The following UGT1A5 variants were observed in gnomAD, a reference collection of about 807,000 sequenced individuals.
UGT1A5 encodes the protein UDP-glucuronosyltransferase 1A5.
Under a neutral mutation model 40.3 loss-of-function variants are expected in UGT1A5, and 29 were observed. That is an observed-to-expected ratio of 0.72 (90% confidence interval 0.54 to 0.98). The LOEUF (loss-of-function observed/expected upper bound fraction) is 0.98, where lower values mean the gene tolerates loss of function less well. Among genes scored for constraint, UGT1A5 ranks in the 50% least tolerant of loss-of-function variants. The pLI is 0.00. For synonymous variants in UGT1A5, 257 were observed against 262.5 expected, an observed-to-expected ratio of 0.98 and a Z score of 0.20; for missense variants, 678 against 677.9, an observed-to-expected ratio of 1.00 and a Z score of 0.00.
chr2:233,769,998 C>A lies in UGT1A5; in HGVS notation c.1307+1559C>A. The stretch of plus-strand genomic sequence containing the variant: ...AGGATGTCCTGCTCACATATCAATA[C>A]CATTAAAACCTGACTTCTTTCCCTG... On this transcript the variant is annotated intron_variant, in intron 4 of 4. Coordinates refer to ENST00000373414, the MANE Select transcript of UGT1A5 (RefSeq NM_019078.2). The surrounding 1 kb of genome is among the most constrained non-coding windows in gnomAD (Gnocchi z 4.4). 5.7e-6 allele frequency: 1 copy of A among 174,584 alleles called. No homozygotes were observed. The highest frequency in any genetic ancestry group is 1.2e-5 in the Non-Finnish European group (1 of 82,536). The allele number at this position is 174,584 out of a possible 1,614,324, so 10.8% of individuals were successfully genotyped here. A position where few individuals can be genotyped will look rare whatever the true frequency, so the allele number is the denominator to read the frequency against.
Position 233,773,095 on chromosome 2 carries a change from A to C in UGT1A5, c.*536A>C. On this transcript the variant is annotated 3_prime_UTR_variant, in exon 5 of 5. Coordinates refer to ENST00000373414, the MANE Select transcript of UGT1A5 (RefSeq NM_019078.2). ...ATGAATGGCTTGGAGTGCACTGAGA[A>C]CAGCATATGATTTCTTGCTTTGGGG... 6.3e-6 allele frequency: 1 copy of C among 159,994 alleles called. No individual in the cohort carries two copies. Among genetic ancestry groups the C allele is most frequent in the Non-Finnish European group, 1.4e-5 (1 of 71,916 alleles). The allele number at this position is 159,994 out of a possible 1,614,324, so 9.9% of individuals were successfully genotyped here. A position where few individuals can be genotyped will look rare whatever the true frequency, so the allele number is the denominator to read the frequency against.
At chr2:233,757,551 T>C (rs9711503) in intron 1 of UGT1A5, among the ~76,000 whole-genome samples, 892 of 76,060 alleles carry the variant, frequency 0.012, 7 homozygotes, top group South Asian at 0.018. Flanking sequence ...TATATATATA[T>C]ATATATATAT....
chr2:233,771,170 G>A (rs1309098130), intron 4 of UGT1A5: 1 of 152,100 alleles, frequency 6.6e-6, no homozygotes, highest in African/African-American at 2.4e-5. Flanking sequence ...CCAGCACTGG[G>A]GATTACAATT....
At chr2:233,713,889 T>A (rs769338020) in intron 1 of UGT1A5, 31 bp downstream of exon 1, 2 of 1,613,388 alleles carry the variant, frequency 1.2e-6, no homozygotes, top group South Asian at 2.2e-5. Context: ...CCAATCAATG[T>A]TCCAGGCAAA....
chr2:233,717,158 G>T (rs75491591), intron 1 of UGT1A5, among the ~76,000 whole-genome samples: 2,054 of 152,298 alleles, frequency 0.013, 54 homozygotes, highest in African/African-American at 0.047. Context: ...GAACATGGGA[G>T]CCCCTTGAAT....
chr2:233,747,052 G>A (rs1432721744), intron 1 of UGT1A5, among the ~76,000 whole-genome samples: 1 of 151,950 alleles, frequency 6.6e-6, no homozygotes, highest in African/African-American at 2.4e-5. Flanking sequence ...GAAAGACAAT[G>A]ATTGGTTAAT....
intron 1 of UGT1A5, chr2:233,747,530 T>C (rs530513131): frequency 6.2e-7 from 1 of 1,605,552 alleles, no homozygotes; most frequent in East Asian, 2.2e-5. Flanking sequence ...CAGAACATTT[T>C]CTGAAGACAT....
At chr2:233,749,672 C>T (rs779436675) in intron 1 of UGT1A5, among the ~76,000 whole-genome samples, 1 of 151,816 alleles carries the variant, frequency 6.6e-6, no homozygotes, top group African/African-American at 2.4e-5. Flanking sequence ...ATAATCCCCA[C>T]GTGTCAAGGA....
At chr2:233,763,403 G>T (rs1219713616) in intron 1 of UGT1A5, among the ~76,000 whole-genome samples, 1 of 152,040 alleles carries the variant, frequency 6.6e-6, no homozygotes, top group Non-Finnish European at 1.5e-5. Context: ...CATGGCACTG[G>T]TATTTTTAAT....
intron 1 of UGT1A5, among the ~76,000 whole-genome samples, chr2:233,763,609 C>T (rs1698356254): frequency 6.6e-6 from 1 of 152,206 alleles, no homozygotes; most frequent in Non-Finnish European, 1.5e-5. Context: ...TGCCACTCTG[C>T]ACTACCATTC....
chr2:233,722,743 G>A (rs1388091069), intron 1 of UGT1A5, among the ~76,000 whole-genome samples: 1 of 151,770 alleles, frequency 6.6e-6, no homozygotes, highest in Non-Finnish European at 1.5e-5. Context: ...TTGATGCAGT[G>A]ACTGTCTATA....
At chr2:233,754,995 C>T (rs769077985) in intron 1 of UGT1A5, 25 of 1,295,296 alleles carry the variant, frequency 1.9e-5, no homozygotes, top group Non-Finnish European at 2.3e-5. Flanking sequence ...GTCACGGAAG[C>T]TGAAGACCTA....
intron 1 of UGT1A5, chr2:233,729,382 C>T (rs775388472): frequency 6.2e-7 from 1 of 1,613,960 alleles, no homozygotes; most frequent in South Asian, 1.1e-5. Context: ...TTCGTGGACC[C>T]AGGATGAATT....
At chr2:233,743,847 G>A (rs771949487) in intron 1 of UGT1A5, 44 of 1,367,104 alleles carry the variant, frequency 3.2e-5, no homozygotes, top group Non-Finnish European at 4.2e-5. Flanking sequence ...GCCAGCTTGC[G>A]GTACGCCTTC....
chr2:233,768,157 G>GGTGTGTCC lies in UGT1A5; in HGVS notation c.1088-63_1088-62insGTGTGTCC, dbSNP rs1279074414. 1.9e-6 allele frequency: 3 copies of GGTGTGTCC among 1,612,962 alleles called. No homozygotes were observed. The African/African-American group carries it at 4.0e-5, about 22-fold the overall frequency. On this transcript the variant is annotated intron_variant, in intron 3 of 4. Transcript: ENST00000373414. ...GTCTTTGGAGTGTTTTCAGAACCTA[G>GGTGTGTCC]ATGTGTCCAGCTGTGAAACTCAGAG...
At chr2:233,761,970 T>C (rs1029002470) in intron 1 of UGT1A5, among the ~76,000 whole-genome samples, 6 of 152,224 alleles carry the variant, frequency 3.9e-5, no homozygotes, top group Non-Finnish European at 8.8e-5. Context: ...GGGACTGATA[T>C]CACCTTCGGA....
Position 233,767,908 on chromosome 2 carries a change from T to C in UGT1A5, c.1059T>C (p.Val353=). ...PSNLANNTIL[V]KWLPQNDLLG... ...ATCTTGCGAACAACACGATACTTGT[T>C]AAGTGGCTACCCCAAAACGATCTGC... The change falls in exon 3 of 5, where the codon GTT becomes GTC. Residue 353 remains valine (V), a synonymous_variant. Coordinates refer to ENST00000373414, the MANE Select transcript of UGT1A5 (RefSeq NM_019078.2). 6.2e-7 allele frequency: 1 copy of C among 1,614,222 alleles called. No individual in the cohort carries two copies.
At position 233,731,426 on chromosome 2, in the gene UGT1A5, C is replaced by A. The variant is rs575531992; in HGVS notation, c.867+17568C>A. Among the ~76,000 whole-genome samples, 3 of 152,128 alleles carry A rather than the reference C, an allele frequency of 2.0e-5. No homozygotes were observed. The South Asian group carries it at 6.2e-4, about 32-fold the overall frequency. On this transcript the variant is annotated intron_variant, in intron 1 of 4. Coordinates refer to ENST00000373414, the MANE Select transcript of UGT1A5 (RefSeq NM_019078.2). ...CATTAGGTATTTTTCCTAATGCCATCCCTCCCCCAGTCCCCCACCCCACAA... is the reference window on the plus strand; with the variant it reads ...CATTAGGTATTTTTCCTAATGCCATACCTCCCCCAGTCCCCCACCCCACAA...
rs1362371317 is a variant in UGT1A5 at position 233,772,403 on chromosome 2, C to T, written c.1449C>T (p.Thr483=). The T allele has an allele frequency of 6.2e-7, 1 of 1,614,140 alleles. No individual in the cohort carries two copies. Among genetic ancestry groups the T allele is most frequent in the African/African-American group, 1.3e-5 (1 of 74,952 alleles). The part of the protein sequence containing the change: ...PHLRPAAHDL[T]WYQYHSLDVI... ...TGCGCCCCGCAGCCCACGACCTCAC[C>T]TGGTACCAGTACCATTCCTTGGACG... Residue 483 remains threonine (T), a synonymous_variant, in exon 5 of 5, where the codon ACC becomes ACT. Coordinates refer to ENST00000373414, the MANE Select transcript of UGT1A5 (RefSeq NM_019078.2).
Sources: gnomAD v4.1 joint callset for allele counts (sites outside exome capture counted in the v4.1 genomes callset) on GRCh38, gnomAD v4.1.1 for gene constraint, Gnocchi (gnomAD v3.1) non-coding constraint, MANE v1.5 for transcripts, NCBI Gene and HGNC (gene_info 2026-07-23, HGNC 2026-07-21) for gene names.